LUZP2: variants seen among roughly 807,000 people sequenced by gnomAD.
LUZP2 encodes the protein leucine zipper protein 2.
Under a neutral mutation model 51.6 loss-of-function variants are expected in LUZP2, and 52 were observed. That is an observed-to-expected ratio of 1.01 (90% CI 0.81 to 1.27). LUZP2 has a LOEUF of 1.27. Among genes scored for constraint, LUZP2 ranks in the 50% most tolerant of loss-of-function variants. The probability of loss-of-function intolerance (pLI) is 0.00; values close to 1 mark genes in which losing one functional copy is unlikely to be tolerated. For synonymous variants in LUZP2, 154 were observed against 137.3 expected (o/e 1.12, Z -0.85); for missense variants, 436 against 395.4 (o/e 1.10, Z -0.87).
At chr11:24,894,912 T>C (rs144558729) in intron 5 of LUZP2, among the ~76,000 whole-genome samples, 6 of 152,254 alleles carry the variant, frequency 3.9e-5, no homozygotes, top group Middle Eastern at 3.4e-3. Flanking sequence ...AAATAGTTAT[T>C]AGACACATAG....
intron 9 of LUZP2, among the ~76,000 whole-genome samples, chr11:24,995,470 CAT>C (rs1032981936): frequency 1.3e-5 from 2 of 152,068 alleles, no homozygotes; most frequent in African/African-American, 2.4e-5. Context: ...TAAGGGGACT[CAT>C]ATTTATCATT....
intron 1 of LUZP2, among the ~76,000 whole-genome samples, chr11:24,601,846 A>G (rs554680424): frequency 7.7e-6 from 1 of 129,464 alleles, no homozygotes; most frequent in African/African-American, 3.0e-5. Flanking sequence ...ACAAATAAAC[A>G]GGTATATATA....
chr11:24,950,243 A>T (rs545625975), intron 7 of LUZP2, among the ~76,000 whole-genome samples: 1 of 151,660 alleles, frequency 6.6e-6, no homozygotes, highest in African/African-American at 2.4e-5. Flanking sequence ...GGATGGATGA[A>T]GGAATAAAAG....
At chr11:24,713,966 G>A (rs1034496408) in intron 1 of LUZP2, among the ~76,000 whole-genome samples, 2 of 144,508 alleles carry the variant, frequency 1.4e-5, no homozygotes, top group African/African-American at 5.2e-5. Flanking sequence ...AAAGTGCTGG[G>A]ATTACAGGCA....
At chr11:24,577,954 C>T (rs546129477) in intron 1 of LUZP2, among the ~76,000 whole-genome samples, 96 of 152,200 alleles carry the variant, frequency 6.3e-4, no homozygotes, top group Admixed American at 1.9e-3. Context: ...TTCAGGCCCA[C>T]GATGATGGCT....
intron 9 of LUZP2, among the ~76,000 whole-genome samples, chr11:25,016,200 G>A (rs1367355881): frequency 8.6e-5 from 13 of 152,004 alleles, no homozygotes; most frequent in South Asian, 2.1e-4. Context: ...GATTACAAGC[G>A]TGAGCCACCA....
chr11:24,593,589 C>T (rs757573720), intron 1 of LUZP2, among the ~76,000 whole-genome samples: 2 of 152,158 alleles, frequency 1.3e-5, no homozygotes, highest in Non-Finnish European at 2.9e-5. Context: ...CTCAAAATCA[C>T]ATGTCCTGGC....
chr11:24,866,144 A>G (rs1336826067), intron 5 of LUZP2, among the ~76,000 whole-genome samples: 14 of 108,028 alleles, frequency 1.3e-4, no homozygotes, highest in African/African-American at 4.2e-4. Context: ...ACACACACAC[A>G]CACACACACG....
intron 10 of LUZP2, among the ~76,000 whole-genome samples, chr11:25,059,225 C>T (rs1008278890): frequency 2.0e-5 from 3 of 152,000 alleles, no homozygotes; most frequent in Non-Finnish European, 4.4e-5. Flanking sequence ...TATAAAGAAG[C>T]GTTTAATAAC....
intron 1 of LUZP2, among the ~76,000 whole-genome samples, chr11:24,583,344 G>A (rs1852942406): frequency 6.6e-6 from 1 of 152,058 alleles, no homozygotes; most frequent in Non-Finnish European, 1.5e-5. Context: ...TTCTCTGCTA[G>A]GCCAATGGGC....
intron 1 of LUZP2, among the ~76,000 whole-genome samples, chr11:24,623,940 T>C (rs146010852): frequency 9.1e-4 from 138 of 152,334 alleles, no homozygotes; most frequent in East Asian, 6.4e-3. Context: ...CTTTTGCCTC[T>C]ATATGATGAT....
chr11:24,628,961 A>G, intron 1 of LUZP2, among the ~76,000 whole-genome samples: 1 of 152,200 alleles, frequency 6.6e-6, no homozygotes, highest in East Asian at 1.9e-4. Context: ...AATGTAAAAG[A>G]TTAGATCTAT....
intron 1 of LUZP2, among the ~76,000 whole-genome samples, chr11:24,665,497 G>T (rs532127364): frequency 6.6e-6 from 1 of 152,088 alleles, no homozygotes; most frequent in Admixed American, 6.6e-5. Context: ...GGGGTCAGGG[G>T]CAGAATAATA....
chr11:24,531,442 A>G (rs534926708), intron 1 of LUZP2, among the ~76,000 whole-genome samples: 1 of 151,048 alleles, frequency 6.6e-6, no homozygotes, highest in African/African-American at 2.4e-5. Context: ...GACAACATTC[A>G]AAATTCATTC....
intron 5 of LUZP2, among the ~76,000 whole-genome samples, chr11:24,857,704 G>A (rs1445874639): frequency 1.1e-3 from 1 of 914 alleles, no homozygotes; most frequent in Admixed American, 0.045. Flanking sequence ...TGCAGTCAGA[G>A]GGTGAACTTT....
At chr11:24,890,645 T>C (rs1315903309) in intron 5 of LUZP2, among the ~76,000 whole-genome samples, 3 of 152,134 alleles carry the variant, frequency 2.0e-5, no homozygotes, top group Non-Finnish European at 2.9e-5. Flanking sequence ...TTAGTAACTC[T>C]ACCTACTGGC....
intron 5 of LUZP2, among the ~76,000 whole-genome samples, chr11:24,813,464 A>G (rs1454145167): frequency 6.6e-6 from 1 of 152,202 alleles, no homozygotes; most frequent in Non-Finnish European, 1.5e-5. Flanking sequence ...GGGAGCAGGC[A>G]CATCACATGG....
chr11:24,769,259 AGT>A (rs781138227), intron 5 of LUZP2, among the ~76,000 whole-genome samples: 12,197 of 152,266 alleles, frequency 0.08, 1,054 homozygotes, highest in African/African-American at 0.22. Flanking sequence ...AGATGGAAGA[AGT>A]TTTGTCAACA....
intron 1 of LUZP2, among the ~76,000 whole-genome samples, chr11:24,588,504 AC>A (rs903086356): frequency 7.2e-5 from 11 of 152,102 alleles, no homozygotes; most frequent in Admixed American, 2.0e-4. Context: ...GGAAGAAAGA[AC>A]CTGACTTCCT....
Sources: allele counts gnomAD v4.1 joint callset (sites outside exome capture counted in the v4.1 genomes callset), GRCh38; gene constraint gnomAD v4.1.1; transcripts MANE v1.5; gene names NCBI Gene and HGNC (gene_info 2026-07-23, HGNC 2026-07-21).